CSMD3: variants seen among roughly 807,000 people sequenced by gnomAD.
CSMD3 encodes CUB and sushi domain-containing protein 3.
Under a neutral mutation model 435.2 loss-of-function variants are expected in CSMD3, and 177 were observed. That is an observed-to-expected ratio of 0.41 (90% confidence interval 0.36 to 0.46). The LOEUF (loss-of-function observed/expected upper bound fraction) is 0.46, where lower values mean the gene tolerates loss of function less well. Ranked by LOEUF, CSMD3 falls within the 20% of genes least tolerant of loss-of-function variation. The probability of loss-of-function intolerance (pLI) is 0.34; values close to 1 mark genes in which losing one functional copy is unlikely to be tolerated. For missense variants in CSMD3, 4,265 were observed against 4,504.6 expected (o/e 0.95, Z 1.52); for synonymous variants, 1,656 against 1,520.5 (o/e 1.09, Z -2.07).
chr8:112,504,842 T>C (rs949216126), intron 29 of CSMD3, among the ~76,000 whole-genome samples: 3 of 152,182 alleles, frequency 2.0e-5, no homozygotes, highest in African/African-American at 7.2e-5. Context: ...TAGAGAAATA[T>C]GGGGTAAAGG....
chr8:112,611,473 AG>A (rs1833256038), intron 22 of CSMD3, among the ~76,000 whole-genome samples: 1 of 152,188 alleles, frequency 6.6e-6, no homozygotes, highest in African/African-American at 2.4e-5. Flanking sequence ...AGAGACGAGT[AG>A]TCCAACTTTC....
chr8:112,685,537 T>A lies in CSMD3; in HGVS notation c.2351A>T (p.Glu784Val), dbSNP rs2131803767. ...FLAVKDGDSPESPILGTFTGA... is the reference protein window; with the variant it reads ...FLAVKDGDSPVSPILGTFTGA... ...AGTAAAGGTTCCAAGAATTGGGGAT[T>A]CTGGAGAGTCACCATCTTTAACAGC... Residue 784 changes from glutamate (E) to valine (V), a missense_variant, in exon 15 of 71, where the codon GAA becomes GTA. By Grantham distance (121) the Glu-to-Val change is moderately radical. This residue lies in a region of CSMD3 where 279 missense variants were observed against 369.0 expected (regional missense o/e 0.76). Transcript: ENST00000297405. 1 of 1,613,966 alleles carries A rather than the reference T, an allele frequency of 6.2e-7. No homozygotes were observed. Among genetic ancestry groups the A allele is most frequent in the Non-Finnish European group, 8.5e-7 (1 of 1,179,904 alleles).
Position 112,360,573 on chromosome 8 carries a change from TGATTATAA to T in CSMD3, c.6137-8047_6137-8040del, listed in dbSNP as rs533618084. Among the ~76,000 whole-genome samples the T allele has an allele frequency of 9.9e-5, 15 of 152,112 alleles. No homozygotes were observed. In the East Asian group the frequency reaches 2.9e-3, roughly 29 times the overall value. ...TATGCCAAATGGTGGTTGTAATTCT[TGATTATAA>T]GATTACTGGTGATTTGTATGTCATT... On this transcript the variant is annotated intron_variant, in intron 38 of 70. Coordinates refer to ENST00000297405, the MANE Select transcript of CSMD3 (RefSeq NM_198123.2).
intron 10 of CSMD3, among the ~76,000 whole-genome samples, chr8:112,884,805 CAG>C (rs1004156690): frequency 6.6e-6 from 1 of 151,754 alleles, no homozygotes; most frequent in Non-Finnish European, 1.5e-5. Flanking sequence ...GCTTCCATTG[CAG>C]TGGGAACTGA....
chr8:112,341,176 G>A (rs963160724), intron 42 of CSMD3, among the ~76,000 whole-genome samples: 2 of 151,922 alleles, frequency 1.3e-5, no homozygotes, highest in Admixed American at 1.3e-4. Flanking sequence ...CATCTTTGCT[G>A]TGCAGCTGGC....
intron 5 of CSMD3, 30 bp downstream of exon 5, chr8:113,098,726 A>G (rs1235603020): frequency 2.1e-6 from 3 of 1,444,118 alleles, no homozygotes; most frequent in East Asian, 2.3e-5. Context: ...AACAACATCA[A>G]TGCAAGGTTA....
At chr8:112,557,004 T>A (rs2131227281) in intron 24 of CSMD3, 50 bp from the exon 25 acceptor site, 3 of 1,112,086 alleles carry the variant, frequency 2.7e-6, no homozygotes, top group Non-Finnish European at 4.1e-6. Context: ...GAGGAGGATT[T>A]AAATCTATAC....
rs181123566 is a variant in CSMD3 at position 112,878,925 on chromosome 8, G to A, written c.1634-19659C>T. Among the ~76,000 whole-genome samples the A allele has an allele frequency of 3.5e-4, 54 of 152,120 alleles. No individual in the cohort carries two copies. The East Asian group carries it at 4.5e-3, about 13-fold the overall frequency. On this transcript the variant is annotated intron_variant, in intron 10 of 70. Transcript: ENST00000297405. Reference sequence around the variant, plus strand: ...TTAATCTCTTAATCCCGTTATCTTCGTAAGCTGAGGATGTATGTCACCTCA... The same window carrying A: ...TTAATCTCTTAATCCCGTTATCTTCATAAGCTGAGGATGTATGTCACCTCA...
chr8:112,322,515 A>G (rs771436894), intron 45 of CSMD3, among the ~76,000 whole-genome samples: 20 of 152,088 alleles, frequency 1.3e-4, no homozygotes, highest in Non-Finnish European at 1.9e-4. Flanking sequence ...CTCTACTTCA[A>G]TAAGAACAAC....
At chr8:112,335,563 T>A in intron 44 of CSMD3, 89 bp from the exon 45 acceptor site, 1 of 1,130,386 alleles carries the variant, frequency 8.8e-7, no homozygotes, top group South Asian at 1.3e-5. Context: ...ATTGCATATA[T>A]TTATATTCTA....
At chr8:112,846,028 C>T (rs1244533137) in intron 11 of CSMD3, among the ~76,000 whole-genome samples, 1 of 151,734 alleles carries the variant, frequency 6.6e-6, no homozygotes, top group Non-Finnish European at 1.5e-5. Context: ...AGGAAGTAGT[C>T]AATAATATGA....
At chr8:113,088,590 C>T (rs2089889301) in intron 5 of CSMD3, among the ~76,000 whole-genome samples, 1 of 151,462 alleles carries the variant, frequency 6.6e-6, no homozygotes, top group Admixed American at 6.6e-5. Flanking sequence ...AATCATCATT[C>T]TCAGTAAACT....
intron 28 of CSMD3, among the ~76,000 whole-genome samples, chr8:112,510,824 T>C (rs1394119568): frequency 6.6e-6 from 1 of 152,226 alleles, no homozygotes; most frequent in African/African-American, 2.4e-5. Flanking sequence ...TTTTATTTAT[T>C]CCTAGAATTC....
intron 10 of CSMD3, among the ~76,000 whole-genome samples, chr8:112,862,960 A>G (rs553764607): frequency 1.3e-5 from 2 of 151,998 alleles, no homozygotes; most frequent in East Asian, 3.8e-4. Flanking sequence ...TTAATTTCCA[A>G]TTCTTTCTCT....
intron 53 of CSMD3, among the ~76,000 whole-genome samples, chr8:112,300,326 T>G (rs1820795731): frequency 6.7e-6 from 1 of 149,524 alleles, no homozygotes; most frequent in Non-Finnish European, 1.5e-5. Context: ...GTAAACTAAG[T>G]TTACTTAAAA....
intron 2 of CSMD3, among the ~76,000 whole-genome samples, chr8:113,298,476 CATA>C (rs1476997274): frequency 6.6e-6 from 1 of 152,040 alleles, no homozygotes; most frequent in Non-Finnish European, 1.5e-5. Context: ...AAATCTGTTT[CATA>C]ATAAAATATT....
At position 112,237,209 on chromosome 8, in the gene CSMD3, G is replaced by A. The variant is rs751594020; in HGVS notation, c.10608C>T (p.Asn3536=). Residue 3536 remains asparagine (N), a synonymous_variant, in exon 67 of 71, where the codon AAC becomes AAT. Transcript: ENST00000297405. The part of the protein sequence containing the change: ...GRVNATLSNS[N]MELLLSGVYK... ...CGATACCTGAAAGTAGCAGCTCCAT[G>A]TTGCTATTGCTCAGTGTTGCGTTAA... 1.9e-6 allele frequency: 3 copies of A among 1,613,566 alleles called. No homozygotes were observed. Among genetic ancestry groups the A allele is most frequent in the Non-Finnish European group, 2.5e-6 (3 of 1,179,622 alleles).
chr8:113,302,986 C>A (rs575293736), intron 2 of CSMD3, among the ~76,000 whole-genome samples: 1 of 102,654 alleles, frequency 9.7e-6, no homozygotes, highest in African/African-American at 4.1e-5. Context: ...TGTTTGCAGA[C>A]GACATGATTG....
intron 4 of CSMD3, among the ~76,000 whole-genome samples, chr8:113,168,789 T>G (rs1283717042): frequency 1.3e-5 from 2 of 152,042 alleles, no homozygotes; most frequent in African/African-American, 4.8e-5. Context: ...ATCAATAACC[T>G]TATCTATTAT....
Sources: gnomAD v4.1 joint callset for allele counts (sites outside exome capture counted in the v4.1 genomes callset) on GRCh38, gnomAD v4.1.1 for gene constraint, gnomAD v4.1.1 regional missense constraint, MANE v1.5 for transcripts, NCBI Gene and HGNC (gene_info 2026-07-23, HGNC 2026-07-21) for gene names.